The following ANTXR1 variants were observed in gnomAD, a reference collection of about 807,000 sequenced individuals.
ANTXR1 encodes ANTXR cell adhesion molecule 1.
ANTXR1 carries 19 observed loss-of-function variants against 78.1 expected under a neutral mutation model. The observed-to-expected ratio is 0.24, with a 90% CI of 0.17 to 0.36. The LOEUF is 0.36. ANTXR1 is among the 10% of genes least tolerant of loss of function. ANTXR1 has a pLI of 1.00. For synonymous variants in ANTXR1, 273 were observed against 260.5 expected, an observed-to-expected ratio of 1.05 and a Z score of -0.46; for missense variants, 518 against 718.6, an observed-to-expected ratio of 0.72 and a Z score of 3.19.
At chr2:69,017,564 A>G (rs1671059670) in intron 1 of ANTXR1, among the ~76,000 whole-genome samples, 1 of 152,186 alleles carries the variant, frequency 6.6e-6, no homozygotes, top group African/African-American at 2.4e-5. Flanking sequence ...TGTTTTCTCA[A>G]CCAGGAGCAA....
chr2:69,243,100 T>G (rs2104534376), intron 17 of ANTXR1, among the ~76,000 whole-genome samples: 1 of 152,300 alleles, frequency 6.6e-6, no homozygotes, highest in Admixed American at 6.5e-5. Context: ...GCATTGCAAC[T>G]CCTAAACCAA....
chr2:69,091,711 T>C (rs765933986), intron 9 of ANTXR1, among the ~76,000 whole-genome samples: 2 of 152,198 alleles, frequency 1.3e-5, no homozygotes, highest in Non-Finnish European at 2.9e-5. Context: ...TTTATCTTAA[T>C]TGTTTAATCT....
intron 1 of ANTXR1, among the ~76,000 whole-genome samples, chr2:69,027,634 G>A (rs527488922): frequency 6.9e-6 from 1 of 145,736 alleles, no homozygotes; most frequent in East Asian, 2.5e-4. Context: ...GTGTGTGTGT[G>A]TGTGTATGTG....
At chr2:69,163,835 C>T (rs1262545507) in intron 13 of ANTXR1, among the ~76,000 whole-genome samples, 6 of 152,102 alleles carry the variant, frequency 3.9e-5, no homozygotes, top group Admixed American at 3.9e-4. Flanking sequence ...TACTCAGTGG[C>T]GCCGAATACT....
intron 3 of ANTXR1, among the ~76,000 whole-genome samples, chr2:69,054,830 T>A (rs1367561802): frequency 6.6e-6 from 1 of 152,180 alleles, no homozygotes; most frequent in Non-Finnish European, 1.5e-5. Context: ...GAACTTGGAT[T>A]CATTTCATTT....
intron 1 of ANTXR1, among the ~76,000 whole-genome samples, chr2:69,018,963 AC>A (rs1445657051): frequency 1.3e-5 from 2 of 152,122 alleles, no homozygotes; most frequent in Non-Finnish European, 2.9e-5. Flanking sequence ...AGGAACTCCA[AC>A]CCCCTGCAAC....
chr2:69,148,048 A>T (rs137907265), intron 12 of ANTXR1, among the ~76,000 whole-genome samples: 6 of 152,302 alleles, frequency 3.9e-5, no homozygotes, highest in African/African-American at 1.4e-4. Flanking sequence ...TGGGTCTTCT[A>T]TTCTGAATCT....
intron 10 of ANTXR1, among the ~76,000 whole-genome samples, chr2:69,122,223 G>A (rs1010756451): frequency 6.6e-6 from 1 of 152,152 alleles, no homozygotes; most frequent in African/African-American, 2.4e-5. Context: ...AACCAAGAAT[G>A]TCTCTTCCCC....
intron 3 of ANTXR1, among the ~76,000 whole-genome samples, chr2:69,063,084 A>C (rs1670292873): frequency 6.6e-6 from 1 of 152,216 alleles, no homozygotes. Flanking sequence ...AAAATGAACC[A>C]GTCCTGTGAC....
chr2:69,087,899 T>C (rs67487575), intron 8 of ANTXR1, among the ~76,000 whole-genome samples: 10,353 of 152,252 alleles, frequency 0.068, 481 homozygotes, highest in East Asian at 0.17. Flanking sequence ...CCAACTGCCA[T>C]TGTGACTTCC....
chr2:69,180,165 G>C (rs1184829436), intron 14 of ANTXR1, among the ~76,000 whole-genome samples: 1 of 152,208 alleles, frequency 6.6e-6, no homozygotes, highest in East Asian at 1.9e-4. Flanking sequence ...GTCACCTTTT[G>C]TCCTGACCTC....
intron 17 of ANTXR1, among the ~76,000 whole-genome samples, chr2:69,195,201 T>A (rs1201470060): frequency 1.4e-5 from 2 of 147,176 alleles, no homozygotes; most frequent in Non-Finnish European, 3.0e-5. Context: ...AAAAAAAAAA[T>A]GCTCAATCAA....
chr2:69,129,480 G>T (rs908695537), intron 12 of ANTXR1, among the ~76,000 whole-genome samples: 8 of 152,274 alleles, frequency 5.3e-5, no homozygotes, highest in South Asian at 2.1e-4. Context: ...TAGGCCGGGC[G>T]TGGTGTCTCA....
At chr2:69,154,368 T>C (rs1673472165) in intron 13 of ANTXR1, among the ~76,000 whole-genome samples, 1 of 152,194 alleles carries the variant, frequency 6.6e-6, no homozygotes, top group African/African-American at 2.4e-5. Flanking sequence ...TGGCTTGGGC[T>C]CCAGTGCTTG....
chr2:69,142,653 T>C (rs921344690), intron 12 of ANTXR1, among the ~76,000 whole-genome samples: 3 of 152,142 alleles, frequency 2.0e-5, no homozygotes, highest in Non-Finnish European at 2.9e-5. Context: ...AATAAATATG[T>C]TAGGTATGAA....
At chr2:69,113,244 C>CCATG (rs1165215281) in intron 10 of ANTXR1, among the ~76,000 whole-genome samples, 1 of 152,140 alleles carries the variant, frequency 6.6e-6, no homozygotes, top group Non-Finnish European at 1.5e-5. Flanking sequence ...TTTCTGCACC[C>CCATG]CATGGCTCAG....
rs374815078 is a variant in ANTXR1 at position 69,198,630 on chromosome 2, C to T, written c.1434+5215C>T. 1.6e-4 allele frequency among the ~76,000 whole-genome samples: 24 copies of T among 152,288 alleles called. No individual in the cohort carries two copies. The East Asian group carries it at 4.2e-3, about 27-fold the overall frequency. ...TTTAGAAATATATTCAAGTTTTCTA[C>T]AATTTTACAGTCAAATCTATAAATA... On this transcript the variant is annotated intron_variant, in intron 17 of 17. Transcript: ENST00000303714.
chr2:69,093,823 G>A (rs1326198628), intron 9 of ANTXR1, among the ~76,000 whole-genome samples: 1 of 152,074 alleles, frequency 6.6e-6, no homozygotes, highest in Non-Finnish European at 1.5e-5. Flanking sequence ...GCAAACAACA[G>A]TTATCTGTAT....
rs193178666 is a variant in ANTXR1 at position 69,091,374 on chromosome 2, G to A, written c.703+455G>A. Among the ~76,000 whole-genome samples the A allele has an allele frequency of 4.3e-3, 602 of 140,150 alleles. 2 individuals carry two copies. Among genetic ancestry groups the A allele is most frequent in the Non-Finnish European group, 6.1e-3 (402 of 66,390 alleles). The allele number at this position is 140,150 out of a possible 152,430, so 91.9% of individuals were successfully genotyped here. A position where few individuals can be genotyped will look rare whatever the true frequency, so the allele number is the denominator to read the frequency against. On this transcript the variant is annotated intron_variant, in intron 9 of 17. Coordinates refer to ENST00000303714, the MANE Select transcript of ANTXR1 (RefSeq NM_032208.3). The stretch of plus-strand genomic sequence containing the variant: ...GAGAATCTCTTGAACCCGGGAGGCA[G>A]AGGTTGGGTTGCAGTGAGCCGAGAT...
Sources: allele counts gnomAD v4.1 joint callset (sites outside exome capture counted in the v4.1 genomes callset), GRCh38; gene constraint gnomAD v4.1.1; transcripts MANE v1.5; gene names NCBI Gene and HGNC (gene_info 2026-07-23, HGNC 2026-07-21).